Variants in TEX264 observed in about 807,000 individuals in gnomAD.
TEX264 encodes the protein testis expressed 264, ER-phagy receptor, also known as testis-expressed protein 264.
Under a neutral mutation model 23.4 loss-of-function variants are expected in TEX264, and 13 were observed. The observed-to-expected ratio is 0.56, with a 90% CI of 0.36 to 0.88. TEX264 has a LOEUF of 0.88. Ranked by LOEUF, TEX264 falls within the 40% of genes least tolerant of loss-of-function variation. The probability of loss-of-function intolerance (pLI) is 0.01; values close to 1 mark genes in which losing one functional copy is unlikely to be tolerated. For synonymous variants in TEX264, 159 were observed against 170.0 expected (o/e 0.94, Z 0.50); for missense variants, 340 against 406.8 (o/e 0.84, Z 1.41).
intron 2 of TEX264, among the ~76,000 whole-genome samples, chr3:51,678,018 G>T (rs1391236661): frequency 2.0e-5 from 3 of 152,148 alleles, no homozygotes; most frequent in Admixed American, 6.5e-5. Context: ...CCTCTTCAAG[G>T]TATGCAAGGG....
intron 3 of TEX264, among the ~76,000 whole-genome samples, chr3:51,684,851 A>G (rs1410512284): frequency 2.6e-5 from 4 of 152,214 alleles, no homozygotes; most frequent in Non-Finnish European, 4.4e-5. Context: ...GCATATCCCA[A>G]GAGCATGGAG....
At chr3:51,690,836 A>T (rs944749586) in intron 3 of TEX264, among the ~76,000 whole-genome samples, 10 of 152,088 alleles carry the variant, frequency 6.6e-5, no homozygotes, top group Non-Finnish European at 1.5e-4. Context: ...TGTTTTACAG[A>T]TGGGGAGGCT....
chr3:51,692,245 A>G (rs569161417), intron 3 of TEX264, among the ~76,000 whole-genome samples: 1 of 152,314 alleles, frequency 6.6e-6, no homozygotes, highest in South Asian at 2.1e-4. Flanking sequence ...CTTATCAAAG[A>G]AGAATTCTGT....
chr3:51,673,496 C>T (rs1237851799), intron 1 of TEX264, among the ~76,000 whole-genome samples: 1 of 152,222 alleles, frequency 6.6e-6, no homozygotes, highest in East Asian at 1.9e-4. Flanking sequence ...TTTTAGCAGC[C>T]TTTTCCTCTT....
intron 2 of TEX264, chr3:51,683,257 T>C (rs901398324): frequency 2.6e-5 from 4 of 152,226 alleles, no homozygotes; most frequent in African/African-American, 7.2e-5. Flanking sequence ...CAAGATCATA[T>C]GTCTCTGAGG....
chr3:51,689,892 T>C (rs1175231568), intron 3 of TEX264, among the ~76,000 whole-genome samples: 1 of 152,148 alleles, frequency 6.6e-6, no homozygotes, highest in East Asian at 1.9e-4. Flanking sequence ...GATTGGAAGC[T>C]GGACCTGGAG....
In TEX264 at chr3:51,703,937, G is replaced by C; in HGVS notation, c.863G>C (p.Arg288Pro). The C allele has an allele frequency of 6.3e-7, 1 of 1,599,866 alleles. No individual in the cohort carries two copies. Among genetic ancestry groups the C allele is most frequent in the East Asian group, 2.2e-5 (1 of 44,510 alleles). Reference sequence around the variant, plus strand: ...GGCGAGGGGCCCTTAGGGGAGTCACGGCTGGACCCTGGGACTGAGCCCCTG... The same window carrying C: ...GGCGAGGGGCCCTTAGGGGAGTCACCGCTGGACCCTGGGACTGAGCCCCTG... Reference protein sequence around the residue: ...LEGEGPLGESRLDPGTEPLGT... With the variant: ...LEGEGPLGESPLDPGTEPLGT... Residue 288 changes from arginine (R) to proline (P), a missense_variant, in exon 5 of 5, where the codon CGG (arginine) becomes CCG (proline). Physicochemically the swap from Arg to Pro is moderately radical, Grantham distance 103. Coordinates refer to ENST00000341333, the MANE Select transcript of TEX264 (RefSeq NM_015926.6). This position sits in a 1 kb window ranked among gnomAD's most constrained non-coding sequence, Gnocchi z 4.8.
At chr3:51,702,740 A>T (rs1459522313) in intron 4 of TEX264, among the ~76,000 whole-genome samples, 1 of 152,212 alleles carries the variant, frequency 6.6e-6, no homozygotes, top group Admixed American at 6.5e-5. Flanking sequence ...AGCCTGAGCC[A>T]TGTGTTCCTC....
At chr3:51,678,132 G>A (rs775453346) in intron 2 of TEX264, among the ~76,000 whole-genome samples, 2 of 152,188 alleles carry the variant, frequency 1.3e-5, no homozygotes, top group African/African-American at 2.4e-5. Context: ...CTGGGGAAGG[G>A]TCCTGACTAG....
chr3:51,682,654 A>T (rs1310921234), intron 2 of TEX264: 1 of 152,148 alleles, frequency 6.6e-6, no homozygotes, highest in African/African-American at 2.4e-5. Flanking sequence ...GTAAGTAGAT[A>T]TTGAGGAACT....
In TEX264 at chr3:51,703,083, C is replaced by T. The variant is rs1048027707; in HGVS notation, c.650-641C>T. On this transcript the variant is annotated intron_variant, in intron 4 of 4. Transcript: ENST00000341333. This position sits in a 1 kb window ranked among gnomAD's most constrained non-coding sequence, Gnocchi z 4.8. Reference sequence around the variant, plus strand: ...TTTCATCCCAGCACCCTCCTCCTTGCAGCTGGTTGAGTATTTCTCAGGCCT... The same window carrying T: ...TTTCATCCCAGCACCCTCCTCCTTGTAGCTGGTTGAGTATTTCTCAGGCCT... Among the ~76,000 whole-genome samples the T allele has an allele frequency of 6.6e-6, 1 of 152,280 alleles. No homozygotes were observed. Among genetic ancestry groups the T allele is most frequent in the South Asian group, 2.1e-4 (1 of 4,826 alleles).
At chr3:51,701,380 A>T (rs1201974775) in intron 4 of TEX264, among the ~76,000 whole-genome samples, 1 of 148,602 alleles carries the variant, frequency 6.7e-6, no homozygotes, top group Non-Finnish European at 1.5e-5. Flanking sequence ...GGAGTGGTGC[A>T]GTGGCAAGAT....
At chr3:51,688,194 G>T (rs138414534) in intron 3 of TEX264, among the ~76,000 whole-genome samples, 1 of 152,218 alleles carries the variant, frequency 6.6e-6, no homozygotes, top group African/African-American at 2.4e-5. Context: ...CAGGAAAGGG[G>T]TATCTTCTGG....
At chr3:51,673,524 C>T (rs748278059) in intron 1 of TEX264, among the ~76,000 whole-genome samples, 23 of 152,222 alleles carry the variant, frequency 1.5e-4, no homozygotes, top group Non-Finnish European at 3.1e-4. Flanking sequence ...ACTGTTTCTT[C>T]TGTGGGCTGG....
chr3:51,674,170 A>C, intron 1 of TEX264, 101 bp from the exon 2 acceptor site: 3 of 1,287,468 alleles, frequency 2.3e-6, no homozygotes, highest in Non-Finnish European at 3.3e-6. Flanking sequence ...CAGAGCACCC[A>C]AGGCAGGTCT....
At chr3:51,680,515 A>G (rs539662324) in intron 2 of TEX264, among the ~76,000 whole-genome samples, 3 of 152,304 alleles carry the variant, frequency 2.0e-5, no homozygotes, top group East Asian at 3.9e-4. Context: ...TTTCAGCCCA[A>G]AGGAGATGCT....
rs1407573549 is a variant in TEX264, at chr3:51,694,085, G to GTCCGTCCT, written c.481-5318_481-5317insGTCCTTCC. ...CCTTCCCTTCCCCTTCCTTCCGTCC[G>GTCCGTCCT]TCCTTCCTTCCTTCCTTCCTTCCTT... is the stretch of plus-strand genomic sequence containing the variant. On this transcript the variant is annotated intron_variant, in intron 3 of 4. Transcript: ENST00000341333. Among the ~76,000 whole-genome samples, 223 of 85,318 alleles carry GTCCGTCCT rather than the reference G, an allele frequency of 2.6e-3. 1 individual carries two copies. Among genetic ancestry groups the GTCCGTCCT allele is most frequent in the Middle Eastern group, 0.013 (2 of 154 alleles). 56.0% of individuals were successfully genotyped at this position (85,318 alleles called of 152,430 possible).
chr3:51,701,409 T>C (rs1703299646), intron 4 of TEX264, among the ~76,000 whole-genome samples: 1 of 151,482 alleles, frequency 6.6e-6, no homozygotes, highest in Admixed American at 6.6e-5. Flanking sequence ...ACTGTAACCT[T>C]TCCCTCCCAG....
At chr3:51,684,063 G>T in intron 2 of TEX264, 1 of 297,788 alleles carries the variant, frequency 3.4e-6, no homozygotes, top group Non-Finnish European at 6.4e-6. Flanking sequence ...GGCCCCCTCA[G>T]TGGAGCCATG....
Sources: gnomAD v4.1 joint callset for allele counts (sites outside exome capture counted in the v4.1 genomes callset) on GRCh38, gnomAD v4.1.1 for gene constraint, Gnocchi (gnomAD v3.1) non-coding constraint, MANE v1.5 for transcripts, NCBI Gene and HGNC (gene_info 2026-07-23, HGNC 2026-07-21) for gene names.